CHN2: variants seen among roughly 807,000 people sequenced by gnomAD.
CHN2 encodes beta-chimaerin.
Under a neutral mutation model 56.3 loss-of-function variants are expected in CHN2, and 35 were observed. The ratio of observed to expected loss-of-function variants is 0.62; its 90% confidence interval spans 0.47 to 0.82. The LOEUF (loss-of-function observed/expected upper bound fraction) is 0.82. CHN2 is among the 40% of genes least tolerant of loss of function. CHN2 has a pLI of 0.00. For missense variants in CHN2, 491 were observed against 580.5 expected (o/e 0.85, Z 1.58); for synonymous variants, 210 against 212.8 (o/e 0.99, Z 0.12).
At chr7:29,246,321 G>A (rs915452079) in intron 1 of CHN2, among the ~76,000 whole-genome samples, 1 of 152,166 alleles carries the variant, frequency 6.6e-6, no homozygotes, top group African/African-American at 2.4e-5. Context: ...GTTGGGGGTA[G>A]GTGGGCACTG....
At chr7:29,173,267 T>C (rs1313481390) in intron 2 of CHN2, among the ~76,000 whole-genome samples, 1 of 152,044 alleles carries the variant, frequency 6.6e-6, no homozygotes, top group Non-Finnish European at 1.5e-5. Context: ...AAAAAAGCCC[T>C]GTAGCTGGCA....
intron 2 of CHN2, among the ~76,000 whole-genome samples, chr7:29,162,221 A>G (rs941312223): frequency 2.6e-5 from 4 of 152,232 alleles, no homozygotes; most frequent in African/African-American, 9.6e-5. Flanking sequence ...CTGTTCACAA[A>G]TGTATGTGTA....
chr7:29,260,539 T>C (rs943941658), intron 1 of CHN2, among the ~76,000 whole-genome samples: 11 of 151,856 alleles, frequency 7.2e-5, no homozygotes, highest in Non-Finnish European at 1.3e-4. Flanking sequence ...GGGGTGGCCA[T>C]GGTGGGGCGA....
chr7:29,294,967 A>C (rs1792998487), intron 1 of CHN2, among the ~76,000 whole-genome samples: 1 of 152,132 alleles, frequency 6.6e-6, no homozygotes. Context: ...CATCCTCTGT[A>C]TCTTTGCAGG....
chr7:29,224,926 A>T (rs1168556192), intron 1 of CHN2, among the ~76,000 whole-genome samples: 2 of 152,334 alleles, frequency 1.3e-5, no homozygotes, highest in Middle Eastern at 3.4e-3. Context: ...AGTAAAACAC[A>T]TATCATCTCC....
At chr7:29,412,985 G>C (rs1315153963) in intron 6 of CHN2, among the ~76,000 whole-genome samples, 4 of 152,210 alleles carry the variant, frequency 2.6e-5, no homozygotes, top group Admixed American at 6.5e-5. Flanking sequence ...AAATGAAACT[G>C]TCAGGGCTAC....
chr7:29,271,883 TCTC>T (rs199692301), intron 1 of CHN2, among the ~76,000 whole-genome samples: 3,353 of 152,176 alleles, frequency 0.022, 130 homozygotes, highest in African/African-American at 0.076. Flanking sequence ...CCTTTGCACT[TCTC>T]CTCCCCACCA....
rs765802387 is a variant in CHN2, at chr7:29,212,566, C to T, written c.49+17576C>T. The T allele has an allele frequency of 4.0e-5, 58 of 1,445,736 alleles. No homozygotes were observed. The African/African-American group carries it at 4.3e-4, about 11-fold the overall frequency. 89.6% of individuals were successfully genotyped at this position (1,445,736 alleles called of 1,614,324 possible). ...AGAATAATGCCCCAAAAAAGGGAGA[C>T]GAGGTCCCAGTCAAGAAACAGAAGA... On this transcript the variant is annotated intron_variant, in intron 1 of 12. Coordinates refer to ENST00000222792, the MANE Select transcript of CHN2 (RefSeq NM_004067.4).
chr7:29,248,502 C>T (rs141645126), intron 1 of CHN2, among the ~76,000 whole-genome samples: 14 of 152,292 alleles, frequency 9.2e-5, no homozygotes, highest in Middle Eastern at 6.8e-3. Flanking sequence ...TGATGAATTC[C>T]CTGCCTGGAG....
intron 1 of CHN2, among the ~76,000 whole-genome samples, chr7:29,332,255 C>G (rs1381740571): frequency 6.6e-6 from 1 of 152,122 alleles, no homozygotes; most frequent in Non-Finnish European, 1.5e-5. Context: ...TCTGTTTGCT[C>G]TCTTTTAAAG....
intron 9 of CHN2, among the ~76,000 whole-genome samples, chr7:29,504,088 TTTAA>T (rs1167894832): frequency 6.6e-6 from 1 of 152,238 alleles, no homozygotes. Context: ...AGTAACCGTT[TTTAA>T]TTAAACAGTT....
intron 1 of CHN2, among the ~76,000 whole-genome samples, chr7:29,351,968 G>A (rs570797596): frequency 5.3e-5 from 8 of 152,246 alleles, no homozygotes; most frequent in South Asian, 2.1e-4. Flanking sequence ...GGTTGTTTAC[G>A]TAGCCCACAG....
intron 1 of CHN2, among the ~76,000 whole-genome samples, chr7:29,253,700 T>G (rs898336888): frequency 1.3e-5 from 2 of 152,080 alleles, no homozygotes; most frequent in Non-Finnish European, 2.9e-5. Context: ...GCTTTTAGAG[T>G]CAACTATGTG....
chr7:29,369,685 A>G (rs566210387), intron 3 of CHN2, among the ~76,000 whole-genome samples: 1 of 152,294 alleles, frequency 6.6e-6, no homozygotes, highest in East Asian at 1.9e-4. Context: ...GAGTGTTAGC[A>G]GTGGAGGTAG....
chr7:29,266,682 G>C (rs1332449550), intron 1 of CHN2, among the ~76,000 whole-genome samples: 1 of 152,192 alleles, frequency 6.6e-6, no homozygotes, highest in East Asian at 1.9e-4. Flanking sequence ...GGGTCATCCA[G>C]CCAGGGAAAG....
At chr7:29,474,574 C>T (rs932694780) in intron 6 of CHN2, among the ~76,000 whole-genome samples, 5 of 152,164 alleles carry the variant, frequency 3.3e-5, no homozygotes, top group Admixed American at 2.6e-4. Flanking sequence ...ATTTCATGCA[C>T]TGCCATGAAG....
chr7:29,446,123 G>C (rs1562613739), intron 6 of CHN2, among the ~76,000 whole-genome samples: 1 of 152,170 alleles, frequency 6.6e-6, no homozygotes, highest in African/African-American at 2.4e-5. Flanking sequence ...AGTTTTTACA[G>C]CTGTCCAGGT....
intron 10 of CHN2, among the ~76,000 whole-genome samples, chr7:29,505,142 C>A (rs6462146): frequency 0.41 from 61,705 of 151,770 alleles, 13,532 homozygotes; most frequent in African/African-American, 0.58. Flanking sequence ...GGGAGGGCAC[C>A]CCCAGCACTA....
chr7:29,350,321 G>A (rs977892675), intron 1 of CHN2, among the ~76,000 whole-genome samples: 7 of 151,918 alleles, frequency 4.6e-5, no homozygotes, highest in Admixed American at 1.3e-4. Context: ...TATCCAAGAC[G>A]CAAGTTGATC....
Sources: gnomAD v4.1 joint callset for allele counts (sites outside exome capture counted in the v4.1 genomes callset) on GRCh38, gnomAD v4.1.1 for gene constraint, MANE v1.5 for transcripts, NCBI Gene and HGNC (gene_info 2026-07-23, HGNC 2026-07-21) for gene names.